CDKL1: variants seen among roughly 807,000 people sequenced by gnomAD.
The protein encoded by CDKL1 is cyclin-dependent kinase-like 1.
Under a neutral mutation model 42.0 loss-of-function variants are expected in CDKL1, and 41 were observed. The observed-to-expected ratio is 0.98, with a 90% CI of 0.76 to 1.27. The LOEUF (loss-of-function observed/expected upper bound fraction) is 1.27, where lower values mean the gene tolerates loss of function less well. Ranked by LOEUF, CDKL1 falls within the 50% of genes most tolerant of loss-of-function variation. The probability of loss-of-function intolerance (pLI) is 0.00; values close to 1 mark genes in which losing one functional copy is unlikely to be tolerated. For missense variants in CDKL1, 394 were observed against 428.4 expected (o/e 0.92, Z 0.71); for synonymous variants, 153 against 158.6 (o/e 0.96, Z 0.26).
At chr14:50,341,471 G>GCT (rs1566578814) in intron 5 of CDKL1, among the ~76,000 whole-genome samples, 1 of 116,322 alleles carries the variant, frequency 8.6e-6, no homozygotes, top group Admixed American at 8.2e-5. Flanking sequence ...GGGGGGGGGG[G>GCT]GTTATTTGGC....
chr14:50,393,153 CT>C (rs946289402), intron 2 of CDKL1, among the ~76,000 whole-genome samples: 1 of 152,080 alleles, frequency 6.6e-6, no homozygotes, highest in African/African-American at 2.4e-5. Flanking sequence ...CCACGTTTCC[CT>C]AAACATTTCA....
chr14:50,353,917 C>T (rs1206767226), intron 3 of CDKL1, among the ~76,000 whole-genome samples: 1 of 151,388 alleles, frequency 6.6e-6, no homozygotes, highest in African/African-American at 2.4e-5. Context: ...AAATGCAGAA[C>T]AGTATGTAAA....
chr14:50,385,906 T>C (rs543757325), intron 2 of CDKL1, among the ~76,000 whole-genome samples: 10 of 152,010 alleles, frequency 6.6e-5, no homozygotes, highest in Non-Finnish European at 1.3e-4. Flanking sequence ...TTTCATTATA[T>C]ATATAGTTCT....
Position 50,376,206 on chromosome 14 carries a change from A to G in CDKL1, c.169-17057T>C. ...ATTATAGTAACTATACCATGCTAATATAAGATGTTACTAAAAGATAAAACT... is the reference window on the plus strand; with the variant it reads ...ATTATAGTAACTATACCATGCTAATGTAAGATGTTACTAAAAGATAAAACT... On this transcript the variant is annotated intron_variant, in intron 2 of 9. Transcript: ENST00000395834. The G allele has an allele frequency of 9.9e-6, 3 of 302,354 alleles. No individual in the cohort carries two copies. The South Asian group carries it at 1.1e-4, about 11-fold the overall frequency. The allele number at this position is 302,354 out of a possible 1,614,324, so 18.7% of individuals were successfully genotyped here.
chr14:50,388,526 T>G (rs747622314), intron 2 of CDKL1, among the ~76,000 whole-genome samples: 1 of 152,236 alleles, frequency 6.6e-6, no homozygotes. Context: ...CGTTGGCCGT[T>G]GGCCACAGCA....
rs774061738 is a variant in CDKL1, at chr14:50,387,032, G to GAAAAAAAGA, written c.168+8668_168+8669insTCTTTTTTT. On this transcript the variant is annotated intron_variant, in intron 2 of 9. Transcript: ENST00000395834. ...ACAGAGCGAGACTCCGTCTCAAAAA[G>GAAAAAAAGA]AAAAAAAAAAAAAGAATACAAAGAA... 1.3e-3 allele frequency among the ~76,000 whole-genome samples: 173 copies of GAAAAAAAGA among 136,646 alleles called. No individual in the cohort carries two copies. The Middle Eastern group carries it at 0.025, about 20-fold the overall frequency. 89.6% of individuals were successfully genotyped at this position (136,646 alleles called of 152,430 possible).
At chr14:50,349,700 A>G (rs1049968973) in intron 3 of CDKL1, among the ~76,000 whole-genome samples, 1 of 152,116 alleles carries the variant, frequency 6.6e-6, no homozygotes, top group Non-Finnish European at 1.5e-5. Context: ...CCTTCAGGCT[A>G]AGGCAGATGT....
intron 2 of CDKL1, among the ~76,000 whole-genome samples, chr14:50,375,802 A>C (rs142210394): frequency 1.6e-3 from 249 of 152,298 alleles, no homozygotes; most frequent in African/African-American, 5.8e-3. Flanking sequence ...ATCTCAAAAA[A>C]AAAAAATAGC....
At chr14:50,358,282 G>A (rs749025422) in intron 3 of CDKL1, 2 of 442,082 alleles carry the variant, frequency 4.5e-6, no homozygotes, top group Non-Finnish European at 7.6e-6. Flanking sequence ...AAGAAATCCT[G>A]AGTAATACAG....
chr14:50,343,705 A>G (rs2033632157), intron 4 of CDKL1, among the ~76,000 whole-genome samples: 1 of 152,170 alleles, frequency 6.6e-6, no homozygotes. Context: ...GAACTGTGGT[A>G]TGCATTATAT....
In CDKL1 at chr14:50,330,145, G is replaced by A; in HGVS notation, c.1003C>T (p.Leu335Phe). The change falls in exon 10 of 10, where the codon CTT (leucine) becomes TTT (phenylalanine). Residue 335 changes from leucine to phenylalanine, a missense_variant. Coordinates refer to ENST00000395834, the MANE Select transcript of CDKL1 (RefSeq NM_004196.7). ...YLPQLTGSSI[L>F]PALDNKKYYC... is the part of the protein sequence containing the mutation. The stretch of plus-strand genomic sequence containing the variant: ...TACTTCTTATTATCCAAAGCTGGAA[G>A]GATGCTGCTGCCAGTTAGCTGGGGT... The A allele has an allele frequency of 6.2e-7, 1 of 1,607,370 alleles. No homozygotes were observed. Among genetic ancestry groups the A allele is most frequent in the Non-Finnish European group, 8.5e-7 (1 of 1,178,640 alleles).
At chr14:50,363,346 A>C (rs1800700295) in intron 2 of CDKL1, 1 of 169,650 alleles carries the variant, frequency 5.9e-6, no homozygotes. Flanking sequence ...ATCATACCTG[A>C]AAACCCTTAG....
intron 3 of CDKL1, among the ~76,000 whole-genome samples, chr14:50,357,426 C>T (rs541179874): frequency 1.3e-5 from 2 of 152,174 alleles, no homozygotes; most frequent in African/African-American, 2.4e-5. Flanking sequence ...GAGCCATTCA[C>T]AGTCCATGGG....
chr14:50,348,077 A>T (rs1262521603), intron 3 of CDKL1, among the ~76,000 whole-genome samples: 5 of 152,242 alleles, frequency 3.3e-5, no homozygotes, highest in African/African-American at 9.6e-5. Flanking sequence ...GTCAGAGAGG[A>T]CAGGAGAAGA....
intron 3 of CDKL1, among the ~76,000 whole-genome samples, chr14:50,349,998 C>T (rs1347761091): frequency 2.6e-5 from 4 of 152,252 alleles, no homozygotes; most frequent in South Asian, 4.1e-4. Context: ...AGGCTGGGCT[C>T]GAACGCCTGA....
At chr14:50,355,297 A>G (rs536940637) in intron 3 of CDKL1, among the ~76,000 whole-genome samples, 9 of 152,220 alleles carry the variant, frequency 5.9e-5, no homozygotes, top group Non-Finnish European at 1.3e-4. Context: ...TTTTGCACAT[A>G]TATTCAAATA....
At chr14:50,363,771 G>A (rs11570801) in intron 2 of CDKL1, 56,641 of 152,038 alleles carry the variant, frequency 0.37, 11,427 homozygotes, top group East Asian at 0.62. Context: ...ACGTCCAAAC[G>A]TGCAGTGATC....
At chr14:50,347,745 G>A (rs1310204009) in intron 3 of CDKL1, among the ~76,000 whole-genome samples, 1 of 152,184 alleles carries the variant, frequency 6.6e-6, no homozygotes, top group Non-Finnish European at 1.5e-5. Context: ...TAGCATATGG[G>A]TGGTATTTGG....
At chr14:50,390,572 C>T (rs2015860) in intron 2 of CDKL1, 10,705 of 36,360 alleles carry the variant, frequency 0.29, 4,518 homozygotes, top group African/African-American at 0.74. Context: ...TGTTTTGTAT[C>T]TGTTTGTTTT....
Sources: allele counts gnomAD v4.1 joint callset (sites outside exome capture counted in the v4.1 genomes callset), GRCh38; gene constraint gnomAD v4.1.1; transcripts MANE v1.5; gene names NCBI Gene and HGNC (gene_info 2026-07-23, HGNC 2026-07-21).